The following PALLD variants were observed in gnomAD, a reference collection of about 807,000 sequenced individuals.
The protein encoded by PALLD is palladin, cytoskeletal associated protein, also known as palladin.
Under a neutral mutation model 123.5 loss-of-function variants are expected in PALLD, and 61 were observed. The ratio of observed to expected loss-of-function variants is 0.49; its 90% CI spans 0.40 to 0.61. The LOEUF is 0.61. PALLD is among the 20% of genes least tolerant of loss of function. The pLI is 0.00. For missense variants in PALLD, 1,273 were observed against 1,377.0 expected (o/e 0.92, Z 1.20); for synonymous variants, 465 against 496.4 (o/e 0.94, Z 0.84).
At chr4:168,874,557 A>G (rs770100554) in intron 10 of PALLD, among the ~76,000 whole-genome samples, 4 of 152,198 alleles carry the variant, frequency 2.6e-5, no homozygotes, top group Non-Finnish European at 5.9e-5. Context: ...TAAAACCTTA[A>G]CTGATGATTC....
intron 11 of PALLD, among the ~76,000 whole-genome samples, chr4:168,891,499 G>T (rs1754144366): frequency 6.6e-6 from 1 of 152,076 alleles, no homozygotes; most frequent in Non-Finnish European, 1.5e-5. Context: ...CATTTCTCTT[G>T]ATATTAGGAT....
At chr4:168,546,141 G>A (rs535231373) in intron 2 of PALLD, among the ~76,000 whole-genome samples, 1 of 152,260 alleles carries the variant, frequency 6.6e-6, no homozygotes, top group Admixed American at 6.5e-5. Context: ...AAGGAACAGA[G>A]AAAGACGAAT....
At chr4:168,866,371 G>C (rs1016408610) in intron 10 of PALLD, among the ~76,000 whole-genome samples, 2 of 151,762 alleles carry the variant, frequency 1.3e-5, no homozygotes, top group Non-Finnish European at 1.5e-5. Context: ...CCACAAACGT[G>C]TTCAAAAAAG....
chr4:168,595,563 C>T (rs534039123), intron 2 of PALLD, among the ~76,000 whole-genome samples: 39 of 152,142 alleles, frequency 2.6e-4, no homozygotes, highest in Admixed American at 4.6e-4. Flanking sequence ...CAAAACCATC[C>T]CTCTCTATAG....
Position 168,745,367 on chromosome 4 carries a change from A to G in PALLD, c.1964+33444A>G, listed in dbSNP as rs574659017. Among the ~76,000 whole-genome samples, 46 of 146,190 alleles carry G rather than the reference A, an allele frequency of 3.1e-4. 1 individual carries two copies. Among genetic ancestry groups the G allele is most frequent in the East Asian group, 1.7e-3 (8 of 4,656 alleles). On this transcript the variant is annotated intron_variant, in intron 10 of 21. Coordinates refer to ENST00000505667, the MANE Select transcript of PALLD (RefSeq NM_001166108.2). ...CGTTAATACTTCATTGGGTACCCCA[A>G]TCTATATTAGTTTAAGTACAGACTG...
Position 168,511,802 on chromosome 4 carries a change from A to G in PALLD, c.298A>G (p.Thr100Ala). ...ASRRPQDNRS[T>A]PVQPLAEKQT... ...GAGGAGACCTCAGGATAACAGGTCA[A>G]CACCTGTCCAGCCTCTGGCAGAGAA... is the stretch of plus-strand genomic sequence containing the variant. Residue 100 changes from threonine to alanine, a missense_variant, in exon 2 of 22, where the codon ACA becomes GCA. Around this residue, in one of 2 missense-constraint regions of PALLD, gnomAD observed 944 missense variants for 954.5 expected, o/e 0.99. Transcript: ENST00000505667. 1 of 1,614,154 alleles carries G rather than the reference A, an allele frequency of 6.2e-7. No homozygotes were observed. The highest frequency in any genetic ancestry group is 8.5e-7 in the Non-Finnish European group (1 of 1,179,984).
intron 10 of PALLD, among the ~76,000 whole-genome samples, chr4:168,870,976 T>C (rs1329335814): frequency 4.6e-5 from 7 of 152,220 alleles, no homozygotes; most frequent in Non-Finnish European, 7.3e-5. Flanking sequence ...TCAACAGATA[T>C]TTATTGAGTG....
At chr4:168,668,457 A>G (rs1185289359) in intron 3 of PALLD, 89 bp downstream of exon 3, 5 of 1,039,510 alleles carry the variant, frequency 4.8e-6, no homozygotes, top group East Asian at 2.4e-5. Flanking sequence ...TGCCTTTCCA[A>G]TGCAAATGGC....
At chr4:168,896,090 G>A (rs890610764) in intron 12 of PALLD, among the ~76,000 whole-genome samples, 3 of 152,046 alleles carry the variant, frequency 2.0e-5, no homozygotes, top group African/African-American at 7.2e-5. Flanking sequence ...TGCGCCTGTA[G>A]TCCCAGCTAC....
At chr4:168,774,566 G>A (rs182470344) in intron 10 of PALLD, among the ~76,000 whole-genome samples, 2,792 of 151,582 alleles carry the variant, frequency 0.018, 43 homozygotes, top group Non-Finnish European at 0.027. Context: ...TGTCTCTACC[G>A]AAAATACAAA....
At chr4:168,639,779 C>T (rs959867670) in intron 2 of PALLD, among the ~76,000 whole-genome samples, 5 of 152,060 alleles carry the variant, frequency 3.3e-5, no homozygotes, top group Non-Finnish European at 5.9e-5. Flanking sequence ...CTTCTGACCT[C>T]GTGATCCGCC....
intron 3 of PALLD, among the ~76,000 whole-genome samples, chr4:168,675,846 G>A (rs2150054070): frequency 6.6e-6 from 1 of 152,094 alleles, no homozygotes; most frequent in Non-Finnish European, 1.5e-5. Context: ...ACTTAGTCCA[G>A]AAGTTCAAGA....
chr4:168,872,120 A>G (rs1240003257), intron 10 of PALLD, among the ~76,000 whole-genome samples: 1 of 152,250 alleles, frequency 6.6e-6, no homozygotes, highest in East Asian at 1.9e-4. Context: ...TTGATATTCC[A>G]GAGAAGTTCC....
rs182571219 is a variant in PALLD, at chr4:168,913,999, T to G, written c.2695T>G (p.Ser899Ala). 18 of 1,608,152 alleles carry G rather than the reference T, an allele frequency of 1.1e-5. No homozygotes were observed. Among genetic ancestry groups the G allele is most frequent in the Non-Finnish European group, 1.4e-5 (17 of 1,174,740 alleles). ...NQRGRSPRSPSGHPHVRRPRS... is the reference protein window; with the variant it reads ...NQRGRSPRSPAGHPHVRRPRS... ...AAGAGGTCGAAGTCCCCGGTCTCCC[T>G]CAGGCCATCCTCATGTCAGAAGGTA... The change falls in exon 16 of 22, where the codon TCA becomes GCA. Residue 899 changes from serine to alanine, a missense_variant. Physicochemically the swap from Ser to Ala is moderately conservative, Grantham distance 99. Transcript: ENST00000505667.
intron 2 of PALLD, among the ~76,000 whole-genome samples, chr4:168,551,561 G>C (rs1301174478): frequency 6.6e-6 from 1 of 152,010 alleles, no homozygotes; most frequent in Non-Finnish European, 1.5e-5. Flanking sequence ...TTGTAAAGGA[G>C]ATATCAATGT....
intron 10 of PALLD, among the ~76,000 whole-genome samples, chr4:168,747,034 G>A (rs184360835): frequency 6.6e-6 from 1 of 152,316 alleles, no homozygotes; most frequent in East Asian, 1.9e-4. Context: ...AGAGACATTG[G>A]AGCTGAGATC....
intron 1 of PALLD, chr4:168,507,496 T>C (rs1249551994): frequency 5.2e-6 from 1 of 191,280 alleles, no homozygotes; most frequent in African/African-American, 2.3e-5. Flanking sequence ...GTTCAGTTTC[T>C]CACTGAGCCT....
At chr4:168,528,666 A>G (rs1215272360) in intron 2 of PALLD, among the ~76,000 whole-genome samples, 1 of 152,226 alleles carries the variant, frequency 6.6e-6, no homozygotes, top group African/African-American at 2.4e-5. Context: ...TGGGATTATT[A>G]ACACCAAAAG....
chr4:168,668,203 G>A lies in PALLD; in HGVS notation c.922G>A (p.Gly308Arg), dbSNP rs1779840122. 1.2e-6 allele frequency: 2 copies of A among 1,613,956 alleles called. No individual in the cohort carries two copies. The highest frequency in any genetic ancestry group is 1.7e-5 in the Admixed American group (1 of 60,012). ...TTTGGCCTGCAGATGGTTCTGTGAA[G>A]GGAAAGAACTGCACAACACTCCTGA... ...PTPRVRWFCE[G>R]KELHNTPDIQ... The change falls in exon 3 of 22, where the codon GGG becomes AGG. Residue 308 changes from glycine (G) to arginine (R), a missense_variant. By Grantham distance (125) the Gly-to-Arg change is moderately radical. Around this residue, in one of 2 missense-constraint regions of PALLD, gnomAD observed 944 missense variants for 954.5 expected, o/e 0.99. Coordinates refer to ENST00000505667, the MANE Select transcript of PALLD (RefSeq NM_001166108.2).
Sources: allele counts gnomAD v4.1 joint callset (sites outside exome capture counted in the v4.1 genomes callset), GRCh38; gene constraint gnomAD v4.1.1; regional missense constraint gnomAD v4.1.1; transcripts MANE v1.5; gene names NCBI Gene and HGNC (gene_info 2026-07-23, HGNC 2026-07-21).